Variants in PTPRD observed in about 807,000 individuals in gnomAD.
The protein encoded by PTPRD is receptor-type tyrosine-protein phosphatase delta.
PTPRD carries 34 observed loss-of-function variants against 214.5 expected under a neutral mutation model. The observed-to-expected ratio is 0.16, with a 90% confidence interval of 0.12 to 0.21. The LOEUF (loss-of-function observed/expected upper bound fraction) is 0.21. PTPRD is among the 10% of genes least tolerant of loss of function. PTPRD has a pLI of 1.00. For synonymous variants in PTPRD, 1,128 were observed against 845.7 expected (o/e 1.33, Z -5.79); for missense variants, 2,545 against 2,398.7 (o/e 1.06, Z -1.27).
chr9:9,568,226 G>A (rs941254534), intron 8 of PTPRD, among the ~76,000 whole-genome samples: 1 of 151,742 alleles, frequency 6.6e-6, no homozygotes, highest in African/African-American at 2.4e-5. Context: ...GACATAATTA[G>A]AATAATTAAA....
chr9:9,369,505 T>A (rs961024147), intron 9 of PTPRD, among the ~76,000 whole-genome samples: 1 of 152,128 alleles, frequency 6.6e-6, no homozygotes, highest in African/African-American at 2.4e-5. Context: ...AGATTCTGGA[T>A]ATTAGCCTTT....
chr9:9,236,396 C>T (rs2099966754), intron 9 of PTPRD, among the ~76,000 whole-genome samples: 1 of 151,980 alleles, frequency 6.6e-6, no homozygotes, highest in Non-Finnish European at 1.5e-5. Context: ...TTAGATACTC[C>T]TTTAATAAGA....
chr9:9,593,007 T>C (rs1310381300), intron 7 of PTPRD, among the ~76,000 whole-genome samples: 2 of 150,338 alleles, frequency 1.3e-5, no homozygotes, highest in Non-Finnish European at 2.9e-5. Flanking sequence ...ATTGTGCCAC[T>C]GCATTCCAGC....
chr9:9,541,460 G>C (rs969580914), intron 8 of PTPRD, among the ~76,000 whole-genome samples: 2 of 151,806 alleles, frequency 1.3e-5, no homozygotes, highest in Non-Finnish European at 2.9e-5. Flanking sequence ...AACCATGTGA[G>C]AAACCTCAAC....
intron 11 of PTPRD, among the ~76,000 whole-genome samples, chr9:8,916,373 C>A (rs2098785940): frequency 1.3e-5 from 2 of 152,052 alleles, no homozygotes; most frequent in Non-Finnish European, 2.9e-5. Context: ...GCCAACAAAT[C>A]TGAAAATCAC....
At chr9:8,765,789 T>C (rs1385942375) in intron 11 of PTPRD, among the ~76,000 whole-genome samples, 2 of 152,312 alleles carry the variant, frequency 1.3e-5, no homozygotes, top group Admixed American at 1.3e-4. Flanking sequence ...GTAATCAGAA[T>C]AAGCTACAGT....
At chr9:9,640,988 A>T (rs934578283) in intron 7 of PTPRD, among the ~76,000 whole-genome samples, 1 of 139,884 alleles carries the variant, frequency 7.1e-6, no homozygotes, top group Non-Finnish European at 1.6e-5. Context: ...CTATGTGCCT[A>T]ACAGGTAGTG....
chr9:10,332,214 T>G (rs1380844880), intron 3 of PTPRD, among the ~76,000 whole-genome samples: 1 of 151,840 alleles, frequency 6.6e-6, no homozygotes, highest in Non-Finnish European at 1.5e-5. Context: ...AGAAAGAAAC[T>G]ATAATATTGC....
At chr9:10,244,483 GAT>G (rs1564751867) in intron 3 of PTPRD, among the ~76,000 whole-genome samples, 1 of 152,136 alleles carries the variant, frequency 6.6e-6, no homozygotes, top group Non-Finnish European at 1.5e-5. Flanking sequence ...ACACTGAAGA[GAT>G]ACAGGTAGAG....
chr9:10,464,660 A>C lies in PTPRD; in HGVS notation c.-599-123643T>G, dbSNP rs142197751. Reference sequence around the variant, plus strand: ...AATGCATAAAGGTCCTAGTGACCTAATTATGATTTGAATCCAATCTTATAA... The same window carrying C: ...AATGCATAAAGGTCCTAGTGACCTACTTATGATTTGAATCCAATCTTATAA... On this transcript the variant is annotated intron_variant, in intron 2 of 45. Transcript: ENST00000381196. Among the ~76,000 whole-genome samples, 662 of 152,292 alleles carry C rather than the reference A, an allele frequency of 4.3e-3. 13 individuals are homozygous for C. The highest frequency in any genetic ancestry group is 0.015 in the African/African-American group (629 of 41,554).
intron 2 of PTPRD, among the ~76,000 whole-genome samples, chr9:10,586,492 C>T (rs1004058165): frequency 6.6e-5 from 10 of 151,998 alleles, no homozygotes; most frequent in Admixed American, 2.0e-4. Context: ...CCAAAAATTG[C>T]ATGGAAATTC....
In PTPRD at chr9:8,934,470, TATATATAAATA is replaced by T. The variant is rs2098979336; in HGVS notation, c.-104+84216_-104+84226del. Among the ~76,000 whole-genome samples the T allele has an allele frequency of 2.7e-4, 4 of 14,686 alleles. 1 individual carries two copies. Among genetic ancestry groups the T allele is most frequent in the African/African-American group, 1.1e-3 (4 of 3,634 alleles). The allele number at this position is 14,686 out of a possible 152,430, so 9.6% of individuals were successfully genotyped here. Reference sequence around the variant, plus strand: ...ATAAATTTATATATATATAAATATATATATATAAATATATATATATATAAATATATATATAA... The same window carrying T: ...ATAAATTTATATATATATAAATATATTATATATATATAAATATATATATAA... On this transcript the variant is annotated intron_variant, in intron 11 of 45. Coordinates refer to ENST00000381196, the MANE Select transcript of PTPRD (RefSeq NM_002839.4).
In PTPRD at chr9:8,782,575, T is replaced by C. The variant is rs550219352; in HGVS notation, c.-103-48629A>G. Among the ~76,000 whole-genome samples, 5 of 150,020 alleles carry C rather than the reference T, an allele frequency of 3.3e-5. No individual in the cohort carries two copies. The East Asian group carries it at 9.8e-4, about 29-fold the overall frequency. ...ACCTATTTCAGTGCTGAGACACTCA[T>C]GAAAACAGAAATACTTAACGCTTTT... On this transcript the variant is annotated intron_variant, in intron 11 of 45. Coordinates refer to ENST00000381196, the MANE Select transcript of PTPRD (RefSeq NM_002839.4).
At chr9:9,566,316 T>C (rs1461198461) in intron 8 of PTPRD, among the ~76,000 whole-genome samples, 1 of 152,044 alleles carries the variant, frequency 6.6e-6, no homozygotes, top group Middle Eastern at 3.2e-3. Flanking sequence ...AGGTAAATTA[T>C]AATACACAAC....
At chr9:10,211,955 T>C (rs1036766856) in intron 3 of PTPRD, among the ~76,000 whole-genome samples, 6 of 152,134 alleles carry the variant, frequency 3.9e-5, no homozygotes, top group African/African-American at 1.4e-4. Flanking sequence ...GTATACAACA[T>C]TTTTTAAAAC....
intron 9 of PTPRD, among the ~76,000 whole-genome samples, chr9:9,322,390 A>G (rs1248543792): frequency 6.6e-6 from 1 of 152,174 alleles, no homozygotes; most frequent in Non-Finnish European, 1.5e-5. Flanking sequence ...ATTATTGTAC[A>G]AAAAAGAACG....
chr9:8,515,625 A>T (rs2097769460), intron 21 of PTPRD, among the ~76,000 whole-genome samples: 1 of 152,208 alleles, frequency 6.6e-6, no homozygotes. Context: ...GGAAGAACAT[A>T]ATGTAAAGAT....
intron 27 of PTPRD, 61 bp from the exon 28 acceptor site, chr9:8,486,410 T>A: frequency 1.4e-6 from 2 of 1,406,258 alleles, no homozygotes; most frequent in South Asian, 2.3e-5. Context: ...TTTCAGTCAT[T>A]GCCAAATGAG....
intron 5 of PTPRD, among the ~76,000 whole-genome samples, chr9:9,870,395 A>G (rs2065115453): frequency 6.6e-6 from 1 of 151,976 alleles, no homozygotes; most frequent in African/African-American, 2.4e-5. Flanking sequence ...TATTTACTAT[A>G]GACAACTTTG....
Sources: allele counts gnomAD v4.1 joint callset (sites outside exome capture counted in the v4.1 genomes callset), GRCh38; gene constraint gnomAD v4.1.1; transcripts MANE v1.5; gene names NCBI Gene and HGNC (gene_info 2026-07-23, HGNC 2026-07-21).